The following ATRNL1 variants were observed in gnomAD, a reference collection of about 807,000 sequenced individuals.
ATRNL1 encodes attractin-like protein 1.
In ATRNL1, 95 loss-of-function variants were observed where a neutral mutation model predicts 182.7. That is an observed-to-expected ratio of 0.52 (90% CI 0.44 to 0.62). The LOEUF (loss-of-function observed/expected upper bound fraction) is 0.62, where lower values mean the gene tolerates loss of function less well. Ranked by LOEUF, ATRNL1 falls within the 20% of genes least tolerant of loss-of-function variation. ATRNL1 has a pLI of 0.00. For missense variants in ATRNL1, 1,471 were observed against 1,679.5 expected, an observed-to-expected ratio of 0.88 and a Z score of 2.17; for synonymous variants, 576 against 568.3, an observed-to-expected ratio of 1.01 and a Z score of -0.19.
chr10:115,467,322 C>T, intron 23 of ATRNL1, 70 bp downstream of exon 23: 1 of 1,060,858 alleles, frequency 9.4e-7, no homozygotes, highest in East Asian at 2.7e-5. Context: ...ACATGATCTA[C>T]TGTTAATTAA....
At position 115,598,553 on chromosome 10, in the gene ATRNL1, G is replaced by A. The variant is rs180860262; in HGVS notation, c.3795+49017G>A. Among the ~76,000 whole-genome samples the A allele has an allele frequency of 6.4e-3, 965 of 150,848 alleles. 11 individuals carry two copies. The highest frequency in any genetic ancestry group is 0.01 in the Non-Finnish European group (694 of 67,864). ...TAATTTTTGCATTTTTAGTAGAGAC[G>A]GGGTTTCACCATGTTGGGCAGGATG... On this transcript the variant is annotated intron_variant, in intron 26 of 28. Transcript: ENST00000355044.
chr10:115,696,123 CTCCTGAGCTCGTGA>C (rs112125761), intron 26 of ATRNL1, among the ~76,000 whole-genome samples: 22,302 of 152,106 alleles, frequency 0.15, 2,162 homozygotes, highest in South Asian at 0.21. Context: ...TGGTCTCGAT[CTCCTGAGCTCGTGA>C]TCCGCCTGCC....
chr10:115,525,734 G>A (rs1220380436), intron 25 of ATRNL1, among the ~76,000 whole-genome samples: 1 of 151,908 alleles, frequency 6.6e-6, no homozygotes, highest in Non-Finnish European at 1.5e-5. Context: ...AGTCACTCTA[G>A]CAACAAGTTT....
intron 27 of ATRNL1, among the ~76,000 whole-genome samples, chr10:115,811,482 A>T (rs1398456124): frequency 6.6e-6 from 1 of 151,996 alleles, no homozygotes; most frequent in Non-Finnish European, 1.5e-5. Context: ...GATTAGTTTC[A>T]TTGATAATGC....
At chr10:115,904,235 G>A (rs1565474556) in intron 28 of ATRNL1, among the ~76,000 whole-genome samples, 1 of 152,176 alleles carries the variant, frequency 6.6e-6, no homozygotes, top group Non-Finnish European at 1.5e-5. Flanking sequence ...TTGGTTGGCT[G>A]GGACCATCCT....
chr10:115,714,926 GTCT>G (rs1361238099), intron 26 of ATRNL1, among the ~76,000 whole-genome samples: 16 of 152,168 alleles, frequency 1.1e-4, no homozygotes, highest in Non-Finnish European at 1.6e-4. Context: ...GGTTAGATAT[GTCT>G]TCTTAGCAGG....
chr10:115,741,734 T>A (rs2532700), intron 27 of ATRNL1, among the ~76,000 whole-genome samples: 144,659 of 152,200 alleles, frequency 0.95, 69,155 homozygotes, highest in East Asian at 1. Flanking sequence ...ATATATAGAA[T>A]GTAAGTAACT....
In ATRNL1 at chr10:115,510,356, C is replaced by T. The variant is rs531300904; in HGVS notation, c.3655-8907C>T. Among the ~76,000 whole-genome samples, 6 of 152,114 alleles carry T rather than the reference C, an allele frequency of 3.9e-5. No homozygotes were observed. In the East Asian group the frequency reaches 1.2e-3, roughly 30 times the overall value. On this transcript the variant is annotated intron_variant, in intron 24 of 28. Transcript: ENST00000355044. ...AGAAATCTTTCCTGAAAGGTGCAGT[C>T]AGTCATTGTGGCAAATATCATTGTT...
intron 17 of ATRNL1, among the ~76,000 whole-genome samples, chr10:115,309,544 G>C (rs1853911391): frequency 6.6e-6 from 1 of 152,156 alleles, no homozygotes; most frequent in Admixed American, 6.6e-5. Flanking sequence ...TTGTAAAAGG[G>C]GTTGAGTTCT....
At chr10:115,581,289 G>A (rs1171475354) in intron 26 of ATRNL1, among the ~76,000 whole-genome samples, 6 of 151,936 alleles carry the variant, frequency 3.9e-5, no homozygotes, top group African/African-American at 1.2e-4. Flanking sequence ...TTTTGTCAGT[G>A]CCCCAAGACA....
intron 21 of ATRNL1, among the ~76,000 whole-genome samples, chr10:115,455,686 G>T (rs1847490384): frequency 6.6e-6 from 1 of 152,130 alleles, no homozygotes; most frequent in South Asian, 2.1e-4. Context: ...ACTATCACCA[G>T]AGTGAACAGG....
At chr10:115,185,439 TC>T (rs1441784322) in intron 8 of ATRNL1, among the ~76,000 whole-genome samples, 2 of 151,896 alleles carry the variant, frequency 1.3e-5, no homozygotes, top group Non-Finnish European at 2.9e-5. Context: ...TTCTAGGGGA[TC>T]CCATTGGTAA....
intron 10 of ATRNL1, among the ~76,000 whole-genome samples, chr10:115,244,443 GA>G (rs1300430779): frequency 3.1e-4 from 46 of 148,398 alleles, no homozygotes; most frequent in African/African-American, 7.6e-4. Flanking sequence ...AGGTTGGTTG[GA>G]AAAAAAAAAT....
intron 19 of ATRNL1, among the ~76,000 whole-genome samples, chr10:115,343,567 C>T (rs1592489564): frequency 6.6e-6 from 1 of 152,220 alleles, no homozygotes; most frequent in Admixed American, 6.5e-5. Flanking sequence ...TTCGTGAACA[C>T]AGGTATTTTA....
chr10:115,493,601 A>T (rs1849413620), intron 24 of ATRNL1, among the ~76,000 whole-genome samples: 1 of 152,156 alleles, frequency 6.6e-6, no homozygotes, highest in Admixed American at 6.6e-5. Context: ...TTTATGGTAG[A>T]ACGATTTATA....
intron 8 of ATRNL1, among the ~76,000 whole-genome samples, chr10:115,207,540 A>AT (rs201565803): frequency 4.5e-4 from 68 of 150,402 alleles, no homozygotes; most frequent in African/African-American, 1.5e-3. Flanking sequence ...CAAATCTCTG[A>AT]TTTTTTTTTC....
chr10:115,905,523 C>T (rs1343898723), intron 28 of ATRNL1, among the ~76,000 whole-genome samples: 1 of 152,088 alleles, frequency 6.6e-6, no homozygotes, highest in Non-Finnish European at 1.5e-5. Context: ...AGCCACTGTG[C>T]CTGGCTGGTT....
intron 27 of ATRNL1, among the ~76,000 whole-genome samples, chr10:115,783,241 CACACACA>C (rs1949312118): frequency 6.6e-6 from 1 of 151,934 alleles, no homozygotes; most frequent in East Asian, 1.9e-4. Flanking sequence ...CACACACACA[CACACACA>C]CACACACATT....
intron 15 of ATRNL1, among the ~76,000 whole-genome samples, chr10:115,291,820 T>G (rs1270090351): frequency 2.0e-5 from 3 of 151,568 alleles, no homozygotes; most frequent in Non-Finnish European, 2.9e-5. Context: ...GTTTTTTTTT[T>G]TTTTTTTTTT....
Sources: gnomAD v4.1 joint callset for allele counts (sites outside exome capture counted in the v4.1 genomes callset) on GRCh38, gnomAD v4.1.1 for gene constraint, MANE v1.5 for transcripts, NCBI Gene and HGNC (gene_info 2026-07-23, HGNC 2026-07-21) for gene names.